Variants in ANKRD46 observed in about 807,000 individuals in gnomAD.
The protein encoded by ANKRD46 is ankyrin repeat domain-containing protein 46.
ANKRD46 carries 13 observed loss-of-function variants against 19.8 expected under a neutral mutation model. The ratio of observed to expected loss-of-function variants is 0.66; its 90% CI spans 0.43 to 1.04. The LOEUF (loss-of-function observed/expected upper bound fraction) is 1.04, where lower values mean the gene tolerates loss of function less well. Ranked by LOEUF, ANKRD46 falls within the 50% of genes least tolerant of loss-of-function variation. The pLI is 0.00. For synonymous variants in ANKRD46, 91 were observed against 106.9 expected (o/e 0.85, Z 0.92); for missense variants, 185 against 274.8 (o/e 0.67, Z 2.31).
At chr8:100,555,481 TA>T (rs913208024) in intron 1 of ANKRD46, among the ~76,000 whole-genome samples, 251 of 135,758 alleles carry the variant, frequency 1.8e-3, no homozygotes, top group Admixed American at 2.0e-3. Flanking sequence ...GGACTGGGAC[TA>T]AAAAAAAAAA....
rs78886488 is a variant in ANKRD46, at chr8:100,544,198, C to T, written c.-130-10887G>A. Reference sequence around the variant, plus strand: ...AAGAAATCTGCCCATACAACCATCCCTAACTCTCTTCAGTCAGCTTCTGGT... The same window carrying T: ...AAGAAATCTGCCCATACAACCATCCTTAACTCTCTTCAGTCAGCTTCTGGT... On this transcript the variant is annotated intron_variant, in intron 1 of 4. Transcript: ENST00000335659. The surrounding 1 kb of genome is among the most constrained non-coding windows in gnomAD (Gnocchi z 4.4). Among the ~76,000 whole-genome samples, 436 of 152,294 alleles carry T rather than the reference C, an allele frequency of 2.9e-3. 5 individuals are homozygous for T. Among genetic ancestry groups the T allele is most frequent in the African/African-American group, 0.01 (423 of 41,562 alleles).
Position 100,557,686 on chromosome 8 carries a change from C to T in ANKRD46, c.-131+2025G>A, listed in dbSNP as rs79999314. 0.066 allele frequency among the ~76,000 whole-genome samples: 10,060 copies of T among 152,238 alleles called. 512 individuals carry two copies. Among genetic ancestry groups the T allele is most frequent in the East Asian group, 0.14 (735 of 5,172 alleles). On this transcript the variant is annotated intron_variant, in intron 1 of 4. Transcript: ENST00000335659. This position sits in a 1 kb window ranked among gnomAD's most constrained non-coding sequence, Gnocchi z 5.9. ...CCCTCCAGGTGCTCAAATCTACTGG[C>T]CTCCTTGCTGTTCCTCTCTTGCTGT...
At chr8:100,540,554 T>C (rs1812156108) in intron 1 of ANKRD46, among the ~76,000 whole-genome samples, 1 of 152,236 alleles carries the variant, frequency 6.6e-6, no homozygotes, top group African/African-American at 2.4e-5. Flanking sequence ...TACTTCCTAC[T>C]GATTGGGATA....
chr8:100,512,525 G>A (rs977588235), intron 5 of ANKRD46, among the ~76,000 whole-genome samples: 1 of 152,132 alleles, frequency 6.6e-6, no homozygotes, highest in African/African-American at 2.4e-5. Flanking sequence ...AAGTTTAGTG[G>A]ATTTCTGAGC....
rs1453244113 is a variant in ANKRD46, at chr8:100,545,989, G to A, written c.-130-12678C>T. ...TTCTAAGCAGCAAAGCATTAAAGAT[G>A]TGGCCTTGATTTTTCTCAAAGTGAA... On this transcript the variant is annotated intron_variant, in intron 1 of 4. Coordinates refer to ENST00000335659, the MANE Select transcript of ANKRD46 (RefSeq NM_001270377.2). This position sits in a 1 kb window ranked among gnomAD's most constrained non-coding sequence, Gnocchi z 4.7. Among the ~76,000 whole-genome samples, 1 of 152,230 alleles carries A rather than the reference G, an allele frequency of 6.6e-6. No homozygotes were observed. The highest frequency in any genetic ancestry group is 1.5e-5 in the Non-Finnish European group (1 of 68,046).
In ANKRD46 at chr8:100,546,541, C is replaced by T. The variant is rs1331042390; in HGVS notation, c.-131+13170G>A. Among the ~76,000 whole-genome samples, 1 of 152,242 alleles carries T rather than the reference C, an allele frequency of 6.6e-6. No homozygotes were observed. Among genetic ancestry groups the T allele is most frequent in the African/African-American group, 2.4e-5 (1 of 41,462 alleles). The stretch of plus-strand genomic sequence containing the variant: ...GGACATATGGAAATTCCTGGATGTC[C>T]AGACAGAAGTCTGCTACAGGGGCAG... On this transcript the variant is annotated intron_variant, in intron 1 of 4. Transcript: ENST00000335659. The surrounding 1 kb of genome is among the most constrained non-coding windows in gnomAD (Gnocchi z 4.0).
At chr8:100,547,330 T>G (rs1812292848) in intron 1 of ANKRD46, among the ~76,000 whole-genome samples, 1 of 151,990 alleles carries the variant, frequency 6.6e-6, no homozygotes, top group Non-Finnish European at 1.5e-5. Context: ...GGAGTTCTCA[T>G]GAGATCTGAT....
At position 100,511,101 on chromosome 8, in the gene ANKRD46, G is replaced by A. The variant is rs1420571533; in HGVS notation, c.637-462C>T. Among the ~76,000 whole-genome samples the A allele has an allele frequency of 6.6e-6, 1 of 152,214 alleles. No homozygotes were observed. Among genetic ancestry groups the A allele is most frequent in the Non-Finnish European group, 1.5e-5 (1 of 68,034 alleles). On this transcript the variant is annotated intron_variant, in intron 5 of 5. Coordinates refer to the ANKRD46 transcript ENST00000520552. This position sits in a 1 kb window ranked among gnomAD's most constrained non-coding sequence, Gnocchi z 4.1. ...ATAATTACGCTGATTATTGAGAGCT[G>A]CTGTGCACCAACAACAGTGTTGAGC...
intron 1 of ANKRD46, among the ~76,000 whole-genome samples, chr8:100,542,262 T>C (rs1000809191): frequency 1.3e-5 from 2 of 152,148 alleles, no homozygotes; most frequent in Admixed American, 1.3e-4. Context: ...CGTATCCTTA[T>C]TACACTCACA....
chr8:100,543,662 G>A lies in ANKRD46; in HGVS notation c.-130-10351C>T, dbSNP rs902852919. On this transcript the variant is annotated intron_variant, in intron 1 of 4. Coordinates refer to ENST00000335659, the MANE Select transcript of ANKRD46 (RefSeq NM_001270377.2). The surrounding 1 kb of genome is among the most constrained non-coding windows in gnomAD (Gnocchi z 4.2). ...AATAAATTACACTCTCAGGATTGAC[G>A]AGCTTTGGATTTGGGGAAATGAACT... Among the ~76,000 whole-genome samples the A allele has an allele frequency of 4.6e-5, 7 of 152,094 alleles. No individual in the cohort carries two copies. Among genetic ancestry groups the A allele is most frequent in the African/African-American group, 7.2e-5 (3 of 41,424 alleles).
chr8:100,541,178 A>G (rs1254746066), intron 1 of ANKRD46, among the ~76,000 whole-genome samples: 2 of 151,856 alleles, frequency 1.3e-5, no homozygotes, highest in East Asian at 3.9e-4. Context: ...ATTAATAGCA[A>G]AAATATGATT....
chr8:100,527,985 G>A lies in ANKRD46; in HGVS notation c.330C>T (p.Thr110=). Residue 110 remains threonine, a synonymous_variant, in exon 4 of 5, where the codon ACC becomes ACT. Transcript: ENST00000335659. The surrounding 1 kb of genome is among the most constrained non-coding windows in gnomAD (Gnocchi z 4.0). The stretch of plus-strand genomic sequence containing the variant: ...CTCTGCGCTTTGCCAGAACTAAAGG[G>A]GTAGCACCTTGATGATTGCTAAAAA... The part of the protein sequence containing the change: ...KIDICNHQGA[T]PLVLAKRRGV... The A allele has an allele frequency of 1.3e-6, 2 of 1,557,900 alleles. No individual in the cohort carries two copies. The highest frequency in any genetic ancestry group is 1.7e-6 in the Non-Finnish European group (2 of 1,159,016).
At chr8:100,512,026 A>C (rs1280848510) in intron 5 of ANKRD46, among the ~76,000 whole-genome samples, 3 of 152,240 alleles carry the variant, frequency 2.0e-5, no homozygotes, top group Admixed American at 2.0e-4. Context: ...CTCCATCTTA[A>C]ACAAACGAAC....
In ANKRD46 at chr8:100,522,185, GT is replaced by G. The variant is rs1227465091; in HGVS notation, c.*369del. ...ACAAAAACTAATCATATAAGATACT[GT>G]TTTTCTTTTTGAATACTTCAATTGG... On this transcript the variant is annotated 3_prime_UTR_variant, in exon 5 of 5. Transcript: ENST00000335659. 13 of 1,005,532 alleles carry G rather than the reference GT, an allele frequency of 1.3e-5. No homozygotes were observed. Among genetic ancestry groups the G allele is most frequent in the African/African-American group, 1.7e-5 (1 of 57,992 alleles). The allele number at this position is 1,005,532 out of a possible 1,614,324, so 62.3% of individuals were successfully genotyped here.
In ANKRD46 at chr8:100,550,980, G is replaced by A. The variant is rs1812375880; in HGVS notation, c.-131+8731C>T. 1 of 557,056 alleles carries A rather than the reference G, an allele frequency of 1.8e-6. No homozygotes were observed. The highest frequency in any genetic ancestry group is 1.6e-5 in the South Asian group (1 of 62,124). The allele number at this position is 557,056 out of a possible 1,614,324, so 34.5% of individuals were successfully genotyped here. A position where few individuals can be genotyped will look rare whatever the true frequency, so the allele number is the denominator to read the frequency against. ...TCATATTTGGCAGGTTTCTCCAGAT[G>A]GCAGGTCAGGTCCACAACCAACACG... On this transcript the variant is annotated intron_variant, in intron 1 of 4. Transcript: ENST00000335659. This position sits in a 1 kb window ranked among gnomAD's most constrained non-coding sequence, Gnocchi z 4.4.
At chr8:100,526,223 T>C (rs1811839245) in intron 4 of ANKRD46, among the ~76,000 whole-genome samples, 1 of 152,198 alleles carries the variant, frequency 6.6e-6, no homozygotes, top group Admixed American at 6.5e-5. Context: ...ATTTTGTACT[T>C]ATCACTTCTT....
At position 100,557,282 on chromosome 8, in the gene ANKRD46, C is replaced by G. The variant is rs145745082; in HGVS notation, c.-131+2429G>C. Among the ~76,000 whole-genome samples, 23 of 152,336 alleles carry G rather than the reference C, an allele frequency of 1.5e-4. No homozygotes were observed. The East Asian group carries it at 4.4e-3, about 29-fold the overall frequency. ...ATCTCAGTACACTGTTTAACTAAAG[C>G]CTTCCAATAGCTCAGGCCAAAGGCC... On this transcript the variant is annotated intron_variant, in intron 1 of 4. Coordinates refer to ENST00000335659, the MANE Select transcript of ANKRD46 (RefSeq NM_001270377.2). The surrounding 1 kb of genome is among the most constrained non-coding windows in gnomAD (Gnocchi z 5.9).
chr8:100,512,861 T>TTGA (rs1331668549), intron 5 of ANKRD46, among the ~76,000 whole-genome samples: 16 of 152,324 alleles, frequency 1.1e-4, no homozygotes, highest in African/African-American at 3.6e-4. Flanking sequence ...TTAAAACGTA[T>TTGA]ACACTTCCCT....
intron 1 of ANKRD46, among the ~76,000 whole-genome samples, chr8:100,552,530 C>T (rs917895529): frequency 5.3e-5 from 8 of 152,216 alleles, no homozygotes; most frequent in African/African-American, 1.9e-4. Flanking sequence ...TGGTACCCAA[C>T]TCCACTACTC....
Sources: gnomAD v4.1 joint callset for allele counts (sites outside exome capture counted in the v4.1 genomes callset) on GRCh38, gnomAD v4.1.1 for gene constraint, Gnocchi (gnomAD v3.1) non-coding constraint, MANE v1.5 for transcripts, NCBI Gene and HGNC (gene_info 2026-07-23, HGNC 2026-07-21) for gene names.